Variants in CLVS1 observed in about 807,000 individuals in gnomAD.
CLVS1 encodes clavesin 1.
A neutral mutation model predicts 33.1 loss-of-function variants in CLVS1; 10 were observed. That is an observed-to-expected ratio of 0.30 (90% CI 0.19 to 0.51). CLVS1 has a LOEUF of 0.51. CLVS1 is among the 20% of genes least tolerant of loss of function. CLVS1 has a pLI of 0.97. For synonymous variants in CLVS1, 163 were observed against 166.1 expected, an observed-to-expected ratio of 0.98 and a Z score of 0.14; for missense variants, 343 against 433.4, an observed-to-expected ratio of 0.79 and a Z score of 1.85.
chr8:61,183,283 C>G (rs1807277704), intron 2 of CLVS1, among the ~76,000 whole-genome samples: 1 of 152,144 alleles, frequency 6.6e-6, no homozygotes, highest in African/African-American at 2.4e-5. Context: ...TGTAACAAAC[C>G]TGCATGTGCT....
chr8:61,260,311 C>T (rs775149271), intron 2 of CLVS1, among the ~76,000 whole-genome samples: 2 of 152,208 alleles, frequency 1.3e-5, no homozygotes, highest in African/African-American at 2.4e-5. Flanking sequence ...CCCTTAACTA[C>T]GTCTATAACA....
chr8:61,403,299 C>T (rs574489449), intron 3 of CLVS1, among the ~76,000 whole-genome samples: 1 of 152,088 alleles, frequency 6.6e-6, no homozygotes, highest in Non-Finnish European at 1.5e-5. Flanking sequence ...GAGTGGGAGG[C>T]CCTGTCAGCC....
chr8:61,366,612 A>C (rs564852341), intron 2 of CLVS1, among the ~76,000 whole-genome samples: 33 of 152,342 alleles, frequency 2.2e-4, no homozygotes, highest in Non-Finnish European at 4.0e-4. Context: ...GGTCAAGGCA[A>C]GTTGGCACCA....
chr8:61,313,536 A>G (rs1404753015), intron 2 of CLVS1, among the ~76,000 whole-genome samples: 1 of 152,190 alleles, frequency 6.6e-6, no homozygotes, highest in East Asian at 1.9e-4. Flanking sequence ...GGAGGGATCA[A>G]TGCTGCCTCA....
chr8:61,023,722 C>A, the CLVS1 span, among the ~76,000 whole-genome samples: 2 of 152,180 alleles, frequency 1.3e-5, no homozygotes, highest in African/African-American at 4.8e-5. Context: ...CGGGAGGCTG[C>A]GCGCCGGCCC....
intron 2 of CLVS1, among the ~76,000 whole-genome samples, chr8:61,329,345 G>A (rs1401687019): frequency 6.6e-6 from 1 of 151,898 alleles, no homozygotes; most frequent in African/African-American, 2.4e-5. Flanking sequence ...TTTAGTTTTA[G>A]CTATTAGTTA....
chr8:61,113,574 CCTT>C (rs992598740), intron 1 of CLVS1, among the ~76,000 whole-genome samples: 8 of 152,192 alleles, frequency 5.3e-5, no homozygotes, highest in South Asian at 2.1e-4. Flanking sequence ...ATAGTTCACT[CCTT>C]CTATGCAAAA....
In CLVS1 at chr8:61,207,848, T is replaced by G. The variant is rs527883576; in HGVS notation, c.-152+75988T>G. Among the ~76,000 whole-genome samples, 13 of 152,264 alleles carry G rather than the reference T, an allele frequency of 8.5e-5. No individual in the cohort carries two copies. In the South Asian group the frequency reaches 1.5e-3, roughly 17 times the overall value. On this transcript the variant is annotated intron_variant, in intron 2 of 2. Transcript: ENST00000522621. ...TAACTTTGTTCACAGGGAGGGCAGG[T>G]GAAGATTGAAAAATCACTCAGGCTT...
chr8:60,996,757 G>A, the CLVS1 span, among the ~76,000 whole-genome samples: 1 of 151,992 alleles, frequency 6.6e-6, no homozygotes, highest in Admixed American at 6.6e-5. Context: ...TTGCTCATTG[G>A]CACCTACCCT....
chr8:61,120,709 T>A (rs1280907030), intron 1 of CLVS1, among the ~76,000 whole-genome samples: 1 of 142,650 alleles, frequency 7.0e-6, no homozygotes, highest in Non-Finnish European at 1.5e-5. Context: ...AGGGACCCAC[T>A]TGAGGAGGCA....
intron 5 of CLVS1, among the ~76,000 whole-genome samples, chr8:61,469,010 A>G (rs1030509030): frequency 6.6e-6 from 1 of 152,184 alleles, no homozygotes; most frequent in African/African-American, 2.4e-5. Context: ...TCTGAGGAAA[A>G]GCAGAGGTGG....
intron 3 of CLVS1, among the ~76,000 whole-genome samples, chr8:61,431,786 A>C (rs1816124410): frequency 6.6e-6 from 1 of 152,196 alleles, no homozygotes; most frequent in African/African-American, 2.4e-5. Flanking sequence ...GGCACTCGAT[A>C]TATAGGTTAC....
chr8:61,184,684 A>G (rs1445444426), intron 2 of CLVS1, among the ~76,000 whole-genome samples: 1 of 152,058 alleles, frequency 6.6e-6, no homozygotes, highest in Admixed American at 6.6e-5. Context: ...CCACCATCCC[A>G]CCGCCAAACA....
chr8:61,071,637 C>T (rs995780063), intron 1 of CLVS1, among the ~76,000 whole-genome samples: 1 of 152,138 alleles, frequency 6.6e-6, no homozygotes, highest in Non-Finnish European at 1.5e-5. Context: ...CATATGGATA[C>T]CTTTGGTTGT....
the CLVS1 span, among the ~76,000 whole-genome samples, chr8:61,032,997 GAAAGAAAGAAAGAAAGAAAGAAAGAAA>G: frequency 6.7e-3 from 300 of 44,684 alleles, no homozygotes; most frequent in African/African-American, 0.024. Flanking sequence ...AGGAAGGAAA[GAAAGAAAGAAAGAAAGAAAGAAAGAAA>G]GAAAGAAAGA....
At chr8:61,155,640 T>C (rs1384010177) in intron 2 of CLVS1, among the ~76,000 whole-genome samples, 5 of 152,180 alleles carry the variant, frequency 3.3e-5, no homozygotes, top group African/African-American at 1.2e-4. Context: ...CATATTTTGA[T>C]AAGCCTATTT....
chr8:61,135,607 A>G (rs947017625), intron 2 of CLVS1, among the ~76,000 whole-genome samples: 19 of 152,242 alleles, frequency 1.2e-4, no homozygotes, highest in Admixed American at 3.3e-4. Context: ...GTCAGATGAC[A>G]TCATGTGAGC....
intron 1 of CLVS1, among the ~76,000 whole-genome samples, chr8:61,291,552 T>C (rs900138451): frequency 6.6e-6 from 1 of 152,164 alleles, no homozygotes; most frequent in Admixed American, 6.5e-5. Flanking sequence ...GAATAGCATG[T>C]TGTAGGGGGG....
intron 2 of CLVS1, among the ~76,000 whole-genome samples, chr8:61,147,553 G>A (rs112903900): frequency 1.8e-4 from 27 of 152,326 alleles, no homozygotes; most frequent in African/African-American, 6.3e-4. Context: ...TAATTCTTGT[G>A]TGGGTTTCTT....
Sources: gnomAD v4.1 joint callset for allele counts (sites outside exome capture counted in the v4.1 genomes callset) on GRCh38, gnomAD v4.1.1 for gene constraint, MANE v1.5 for transcripts, NCBI Gene and HGNC (gene_info 2026-07-23, HGNC 2026-07-21) for gene names.